The following ST6GALNAC3 variants were observed in gnomAD, a reference collection of about 807,000 sequenced individuals.
The protein encoded by ST6GALNAC3 is alpha-N-acetylgalactosaminide alpha-2,6-sialyltransferase 3.
A neutral mutation model predicts 32.7 loss-of-function variants in ST6GALNAC3; 25 were observed. The ratio of observed to expected loss-of-function variants is 0.76; its 90% CI spans 0.56 to 1.07. The LOEUF (loss-of-function observed/expected upper bound fraction) is 1.07. ST6GALNAC3 is among the 50% of genes least tolerant of loss of function. ST6GALNAC3 has a pLI of 0.00. For synonymous variants in ST6GALNAC3, 129 were observed against 133.1 expected (o/e 0.97, Z 0.21); for missense variants, 355 against 382.4 (o/e 0.93, Z 0.60).
At chr1:76,316,797 C>T (rs1458923521) in intron 2 of ST6GALNAC3, among the ~76,000 whole-genome samples, 5 of 151,912 alleles carry the variant, frequency 3.3e-5, no homozygotes, top group African/African-American at 1.2e-4. Context: ...TTAAAAAATT[C>T]AAAATATATT....
chr1:76,403,923 A>G (rs561231372), intron 2 of ST6GALNAC3, among the ~76,000 whole-genome samples: 22 of 149,630 alleles, frequency 1.5e-4, no homozygotes, highest in African/African-American at 4.9e-4. Flanking sequence ...TTGGTTTGAG[A>G]AAACGTGTTT....
intron 1 of ST6GALNAC3, among the ~76,000 whole-genome samples, chr1:76,268,118 T>C (rs1658638806): frequency 1.3e-5 from 2 of 152,232 alleles, no homozygotes; most frequent in Admixed American, 1.3e-4. Flanking sequence ...ATGAGCTCTT[T>C]GTTCCTCATT....
intron 3 of ST6GALNAC3, among the ~76,000 whole-genome samples, chr1:76,447,276 T>C (rs1657047014): frequency 6.6e-6 from 1 of 152,146 alleles, no homozygotes; most frequent in African/African-American, 2.4e-5. Flanking sequence ...AACTTTGAAC[T>C]TGAGGGAGAT....
At chr1:76,583,652 A>G (rs1417168392) in intron 3 of ST6GALNAC3, among the ~76,000 whole-genome samples, 1 of 152,174 alleles carries the variant, frequency 6.6e-6, no homozygotes, top group Admixed American at 6.5e-5. Context: ...CTGCCGCTGT[A>G]TAATGCCAGG....
intron 1 of ST6GALNAC3, among the ~76,000 whole-genome samples, chr1:76,242,126 T>C (rs1378547709): frequency 6.6e-6 from 1 of 152,216 alleles, no homozygotes; most frequent in Non-Finnish European, 1.5e-5. Context: ...TTTCCTTTCA[T>C]TCCAAAAGCA....
At chr1:76,306,996 A>T (rs538642829) in intron 1 of ST6GALNAC3, among the ~76,000 whole-genome samples, 1 of 152,244 alleles carries the variant, frequency 6.6e-6, no homozygotes, top group African/African-American at 2.4e-5. Flanking sequence ...TCTCTTTAGC[A>T]TATTGATTCA....
chr1:76,586,410 C>T (rs1252016578), intron 3 of ST6GALNAC3, among the ~76,000 whole-genome samples: 3 of 152,182 alleles, frequency 2.0e-5, no homozygotes, highest in Non-Finnish European at 4.4e-5. Flanking sequence ...ATGAAATGAA[C>T]TCTCAGTTTT....
chr1:76,563,745 A>T (rs1209691262), intron 3 of ST6GALNAC3, among the ~76,000 whole-genome samples: 2 of 152,212 alleles, frequency 1.3e-5, no homozygotes, highest in Non-Finnish European at 2.9e-5. Flanking sequence ...ATGAAAATAT[A>T]TGAAGCAAAA....
At chr1:76,628,286 C>T (rs1649101660) in intron 4 of ST6GALNAC3, among the ~76,000 whole-genome samples, 1 of 151,962 alleles carries the variant, frequency 6.6e-6, no homozygotes, top group Non-Finnish European at 1.5e-5. Context: ...GAGCCAATAT[C>T]TTACTGTGAA....
intron 3 of ST6GALNAC3, among the ~76,000 whole-genome samples, chr1:76,583,199 G>A (rs774117523): frequency 2.6e-5 from 4 of 152,162 alleles, no homozygotes; most frequent in Non-Finnish European, 5.9e-5. Flanking sequence ...ACCATACTCA[G>A]TTGAAAGTCT....
At chr1:76,452,889 G>T (rs893833980) in intron 3 of ST6GALNAC3, among the ~76,000 whole-genome samples, 2 of 152,150 alleles carry the variant, frequency 1.3e-5, no homozygotes, top group African/African-American at 4.8e-5. Flanking sequence ...ATAGAATTCA[G>T]CTGTGAATCC....
chr1:76,548,890 G>T (rs956828707), intron 3 of ST6GALNAC3, among the ~76,000 whole-genome samples: 5 of 152,040 alleles, frequency 3.3e-5, no homozygotes, highest in African/African-American at 1.2e-4. Flanking sequence ...TCCATAGCTG[G>T]CTCTGCCGCC....
At chr1:76,375,303 G>A (rs11162135) in intron 2 of ST6GALNAC3, among the ~76,000 whole-genome samples, 42,387 of 151,904 alleles carry the variant, frequency 0.28, 7,140 homozygotes, top group East Asian at 0.6. Context: ...CATTCAAGGA[G>A]GACAAATTAT....
chr1:76,577,459 A>G (rs1033297146), intron 3 of ST6GALNAC3: 2 of 281,122 alleles, frequency 7.1e-6, no homozygotes, highest in Non-Finnish European at 1.1e-5. Flanking sequence ...AAATTAAAGC[A>G]TTAAAATTTC....
At chr1:76,569,343 AT>A (rs61103299) in intron 3 of ST6GALNAC3, among the ~76,000 whole-genome samples, 18,836 of 152,164 alleles carry the variant, frequency 0.12, 2,097 homozygotes, top group African/African-American at 0.29. Context: ...CTTGGCAAAA[AT>A]GAATTAATAG....
intron 1 of ST6GALNAC3, among the ~76,000 whole-genome samples, chr1:76,105,761 A>G (rs1647482104): frequency 6.6e-6 from 1 of 152,226 alleles, no homozygotes; most frequent in Non-Finnish European, 1.5e-5. Context: ...CACTCGAGGC[A>G]TATATTAATA....
Position 76,207,624 on chromosome 1 carries a change from G to T in ST6GALNAC3, c.19-106181G>T, listed in dbSNP as rs573558569. Among the ~76,000 whole-genome samples, 27 of 152,240 alleles carry T rather than the reference G, an allele frequency of 1.8e-4. No homozygotes were observed. The South Asian group carries it at 5.6e-3, about 32-fold the overall frequency. On this transcript the variant is annotated intron_variant, in intron 1 of 4. Coordinates refer to ENST00000328299, the MANE Select transcript of ST6GALNAC3 (RefSeq NM_152996.4). ...CTTTGTCGACAACTAGCCCACACCG[G>T]TGATCATGGCATTAACTCATTTATG...
intron 2 of ST6GALNAC3, among the ~76,000 whole-genome samples, chr1:76,353,263 T>C (rs557195415): frequency 6.6e-5 from 10 of 152,274 alleles, no homozygotes; most frequent in African/African-American, 1.9e-4. Context: ...TTCCTCTCCC[T>C]GTACGTTCTT....
At chr1:76,136,191 C>T (rs1395745343) in intron 1 of ST6GALNAC3, among the ~76,000 whole-genome samples, 1 of 152,224 alleles carries the variant, frequency 6.6e-6, no homozygotes, top group African/African-American at 2.4e-5. Context: ...AAATGCACTT[C>T]CAGAAACCAA....
Sources: allele counts gnomAD v4.1 joint callset (sites outside exome capture counted in the v4.1 genomes callset), GRCh38; gene constraint gnomAD v4.1.1; transcripts MANE v1.5; gene names NCBI Gene and HGNC (gene_info 2026-07-23, HGNC 2026-07-21).